The following SBNO1 variants were observed in gnomAD, a reference collection of about 807,000 sequenced individuals.
SBNO1 encodes the protein strawberry notch homolog 1, also known as protein strawberry notch homolog 1.
Under a neutral mutation model 173.6 loss-of-function variants are expected in SBNO1, and 23 were observed. That is an observed-to-expected ratio of 0.13 (90% CI 0.10 to 0.19). SBNO1 has a LOEUF of 0.19. Among genes scored for constraint, SBNO1 ranks in the 10% least tolerant of loss-of-function variants. The pLI is 1.00. For synonymous variants in SBNO1, 632 were observed against 571.5 expected, an observed-to-expected ratio of 1.11 and a Z score of -1.51; for missense variants, 1,238 against 1,671.2, an observed-to-expected ratio of 0.74 and a Z score of 4.52.
At chr12:123,304,762 C>T in intron 28 of SBNO1, 43 bp from the exon 29 acceptor site, 1 of 1,231,650 alleles carries the variant, frequency 8.1e-7, no homozygotes, top group South Asian at 1.3e-5. Context: ...TTATAATACA[C>T]ACTTTAAGAC....
intron 24 of SBNO1, among the ~76,000 whole-genome samples, chr12:123,312,356 T>C (rs1457490507): frequency 1.3e-5 from 2 of 152,130 alleles, no homozygotes; most frequent in African/African-American, 4.8e-5. Flanking sequence ...GGTATGTCAA[T>C]ATGAACTGTT....
chr12:123,301,945 GTTTTT>G (rs940770303), intron 30 of SBNO1, among the ~76,000 whole-genome samples: 1 of 145,542 alleles, frequency 6.9e-6, no homozygotes, highest in Non-Finnish European at 1.5e-5. Flanking sequence ...AAAGTGGTTT[GTTTTT>G]TTTTTTAAGA....
intron 31 of SBNO1, among the ~76,000 whole-genome samples, chr12:123,297,760 C>T (rs1247018142): frequency 1.3e-5 from 2 of 152,112 alleles, no homozygotes. Context: ...AGAGCAGCAT[C>T]AAAGAGATGA....
At chr12:123,363,931 C>CA in intron 1 of SBNO1, 1 of 985,464 alleles carries the variant, frequency 1.0e-6, no homozygotes, top group Non-Finnish European at 1.2e-6. Context: ...AAACCGACCC[C>CA]AAACCACTTC....
Position 123,323,748 on chromosome 12 carries a change from G to A in SBNO1, c.2057C>T (p.Thr686Ile), listed in dbSNP as rs769382968. Residue 686 changes from threonine (T) to isoleucine (I), a missense_variant, in exon 16 of 32, where the codon ACA becomes ATA. This residue lies in a region of SBNO1 where 81 missense variants were observed against 82.6 expected (regional missense o/e 0.98). Transcript: ENST00000602398. ...TGGCGAACTGTTGTTACTTGGAGCT[G>A]TCAAATCGATTCCTAGTAAACTATA... is the stretch of plus-strand genomic sequence containing the variant. ...KLYSLLGIDL[T>I]APSNNSSPRD... 2 of 1,612,564 alleles carry A rather than the reference G, an allele frequency of 1.2e-6. No individual in the cohort carries two copies. The highest frequency in any genetic ancestry group is 1.7e-6 in the Non-Finnish European group (2 of 1,179,494).
intron 30 of SBNO1, among the ~76,000 whole-genome samples, chr12:123,298,793 T>A (rs955101913): frequency 6.6e-6 from 1 of 152,204 alleles, no homozygotes; most frequent in African/African-American, 2.4e-5. Flanking sequence ...TGCTACTTTA[T>A]AAAATGATCT....
intron 10 of SBNO1, 25 bp from the exon 11 acceptor site, chr12:123,328,052 T>G: frequency 1.9e-6 from 3 of 1,573,962 alleles, no homozygotes; most frequent in Non-Finnish European, 2.6e-6. Flanking sequence ...TTAAGGAATG[T>G]ATCACATTAG....
intron 7 of SBNO1, among the ~76,000 whole-genome samples, chr12:123,332,846 C>T (rs1871373225): frequency 6.6e-6 from 1 of 152,098 alleles, no homozygotes; most frequent in African/African-American, 2.4e-5. Flanking sequence ...GGGATTGGGC[C>T]GGGCACGGTG....
chr12:123,347,147 G>A (rs1873268345), intron 3 of SBNO1, among the ~76,000 whole-genome samples: 1 of 151,832 alleles, frequency 6.6e-6, no homozygotes, highest in African/African-American at 2.4e-5. Context: ...TAGGATATTG[G>A]GAAAGCGGCA....
chr12:123,305,732 C>G (rs2048898133), intron 28 of SBNO1, among the ~76,000 whole-genome samples: 1 of 152,114 alleles, frequency 6.6e-6, no homozygotes, highest in South Asian at 2.1e-4. Context: ...CCCGGCCTCC[C>G]AAAGTGCTAG....
chr12:123,362,738 C>A (rs1332216074), intron 1 of SBNO1, among the ~76,000 whole-genome samples: 1 of 144,578 alleles, frequency 6.9e-6, no homozygotes, highest in Admixed American at 7.2e-5. Flanking sequence ...CACTACACTC[C>A]AGCCTGGGCA....
chr12:123,310,988 C>G (rs926976541), intron 25 of SBNO1, 67 bp downstream of exon 25: 10 of 1,176,076 alleles, frequency 8.5e-6, no homozygotes, highest in Non-Finnish European at 1.3e-5. Flanking sequence ...AGCTCAAAAG[C>G]ATATATCATA....
intron 4 of SBNO1, among the ~76,000 whole-genome samples, chr12:123,341,887 G>A (rs1872606984): frequency 6.6e-6 from 1 of 151,996 alleles, no homozygotes; most frequent in Non-Finnish European, 1.5e-5. Context: ...GTGTCTTTAT[G>A]GAAGTAAAGA....
At chr12:123,364,123 T>C in intron 1 of SBNO1, 1 of 985,558 alleles carries the variant, frequency 1.0e-6, no homozygotes, top group Non-Finnish European at 1.2e-6. Context: ...GAAGGGAGCC[T>C]GCACGTGTCC....
chr12:123,298,392 G>A (rs1218933503), intron 30 of SBNO1, among the ~76,000 whole-genome samples: 1 of 151,884 alleles, frequency 6.6e-6, no homozygotes, highest in East Asian at 1.9e-4. Flanking sequence ...TCAGCCTCCC[G>A]AGTAACTGGG....
intron 4 of SBNO1, 70 bp from the exon 5 acceptor site, chr12:123,341,158 C>G: frequency 1.0e-6 from 1 of 984,776 alleles, no homozygotes; most frequent in Non-Finnish European, 1.5e-6. Flanking sequence ...TTTAAAAATC[C>G]AGAAGTTTAA....
chr12:123,319,439 G>C (rs779356470), intron 20 of SBNO1, among the ~76,000 whole-genome samples: 45 of 151,990 alleles, frequency 3.0e-4, no homozygotes, highest in Non-Finnish European at 5.0e-4. Context: ...TTGTGTAATA[G>C]CTCTGTTGCA....
At chr12:123,328,580 G>A (rs191514893) in intron 10 of SBNO1, among the ~76,000 whole-genome samples, 154 bp downstream of exon 10, 11 of 152,172 alleles carry the variant, frequency 7.2e-5, no homozygotes, top group Admixed American at 2.6e-4. Flanking sequence ...GTAAAAAACC[G>A]AATCAACTTT....
chr12:123,323,930 C>T (rs912583877), intron 15 of SBNO1, 99 bp from the exon 16 acceptor site: 7 of 886,572 alleles, frequency 7.9e-6, no homozygotes, highest in African/African-American at 5.3e-5. Flanking sequence ...TTCAGTTTTA[C>T]AAAATACTGA....
Sources: gnomAD v4.1 joint callset for allele counts (sites outside exome capture counted in the v4.1 genomes callset) on GRCh38, gnomAD v4.1.1 for gene constraint, gnomAD v4.1.1 regional missense constraint, MANE v1.5 for transcripts, NCBI Gene and HGNC (gene_info 2026-07-23, HGNC 2026-07-21) for gene names.